The following LMF1 variants were observed in gnomAD, a reference collection of about 807,000 sequenced individuals.
LMF1 encodes the protein lipase maturation factor 1, also known as transmembrane protein 112.
A neutral mutation model predicts 60.6 loss-of-function variants in LMF1; 68 were observed. That is an observed-to-expected ratio of 1.12 (90% CI 0.92 to 1.37). The LOEUF is 1.37. Ranked by LOEUF, LMF1 falls within the 40% of genes most tolerant of loss-of-function variation. The pLI is 0.00. For missense variants in LMF1, 948 were observed against 767.2 expected (o/e 1.24, Z -2.78); for synonymous variants, 418 against 324.7 (o/e 1.29, Z -3.09).
intron 6 of LMF1, 30 bp from the exon 7 acceptor site, chr16:871,371 C>T: frequency 6.2e-7 from 1 of 1,606,394 alleles, no homozygotes; most frequent in Non-Finnish European, 8.5e-7. Context: ...GAGTCTCGTG[C>T]AGGGGCTCGT....
At chr16:970,492 G>C (rs1412500137) in intron 1 of LMF1, among the ~76,000 whole-genome samples, 1 of 152,196 alleles carries the variant, frequency 6.6e-6, no homozygotes, top group Non-Finnish European at 1.5e-5. Context: ...GCCTCGCATA[G>C]CCCCGAGCCG....
At chr16:970,751 G>T (rs747914349) in intron 1 of LMF1, 37 bp downstream of exon 1, 5 of 1,491,854 alleles carry the variant, frequency 3.4e-6, no homozygotes, top group Non-Finnish European at 4.5e-6. Context: ...GCGCGGAGGT[G>T]ACACTGGCGG....
intron 1 of LMF1, among the ~76,000 whole-genome samples, chr16:965,850 A>G (rs1192299435): frequency 6.6e-6 from 1 of 152,116 alleles, no homozygotes; most frequent in Admixed American, 6.5e-5. Flanking sequence ...CCTGGTAGAG[A>G]CCACCTGCTA....
chr16:855,218 C>T (rs1196441887), intron 10 of LMF1: 1 of 235,294 alleles, frequency 4.2e-6, no homozygotes, highest in Non-Finnish European at 8.5e-6. Flanking sequence ...GGACCTGTTT[C>T]CTGAGGGCGG....
At chr16:955,467 G>GCGCGCA (rs1555476347) in intron 1 of LMF1, among the ~76,000 whole-genome samples, 1 of 94,314 alleles carries the variant, frequency 1.1e-5, no homozygotes, top group East Asian at 3.0e-4. Flanking sequence ...CGCGGTGTGT[G>GCGCGCA]CATACACACA....
At chr16:880,337 C>A (rs1194264425) in intron 5 of LMF1, among the ~76,000 whole-genome samples, 3 of 151,612 alleles carry the variant, frequency 2.0e-5, no homozygotes, top group Non-Finnish European at 4.4e-5. Context: ...CTCAGCAGCC[C>A]AGCCAGGAGG....
intron 4 of LMF1, among the ~76,000 whole-genome samples, chr16:908,615 C>T (rs1185778284): frequency 6.6e-6 from 1 of 152,246 alleles, no homozygotes; most frequent in Non-Finnish European, 1.5e-5. Flanking sequence ...CAGCTGCTTC[C>T]AGTGCCCTCC....
chr16:859,978 G>A (rs578219108), intron 10 of LMF1, among the ~76,000 whole-genome samples: 7 of 150,940 alleles, frequency 4.6e-5, no homozygotes, highest in Middle Eastern at 3.5e-3. Flanking sequence ...GGATGGGTGT[G>A]CAGTGGTGTT....
At chr16:929,912 C>T (rs539513327) in intron 3 of LMF1, among the ~76,000 whole-genome samples, 26 of 150,806 alleles carry the variant, frequency 1.7e-4, no homozygotes, top group African/African-American at 4.9e-4. Context: ...TACGTGTGAA[C>T]GGGGGCACAG....
In LMF1 at chr16:857,028, C is replaced by T. The variant is rs151295312; in HGVS notation, c.1530-2322G>A. 1.3e-3 allele frequency among the ~76,000 whole-genome samples: 200 copies of T among 152,382 alleles called. 1 individual carries two copies. The highest frequency in any genetic ancestry group is 5.2e-3 in the East Asian group (27 of 5,188). On this transcript the variant is annotated intron_variant, in intron 10 of 10. Transcript: ENST00000262301. ...GATTTCAAGAATGAGTGGAACCCTG[C>T]GGCACGTACCCGCGGGGCAGGCGAT...
At chr16:873,714 T>A (rs947475981) in intron 6 of LMF1, 1 of 152,182 alleles carries the variant, frequency 6.6e-6, no homozygotes, top group Non-Finnish European at 1.5e-5. Context: ...CTGGTGGGCG[T>A]GAACCCAGGT....
At chr16:969,368 G>C (rs1478004208) in intron 1 of LMF1, among the ~76,000 whole-genome samples, 2 of 152,044 alleles carry the variant, frequency 1.3e-5, no homozygotes, top group Non-Finnish European at 2.9e-5. Context: ...GAGAGAGAGA[G>C]ACACAGACCC....
chr16:978,692 G>A (rs1421165981), intron 1 of LMF1, among the ~76,000 whole-genome samples: 2 of 152,148 alleles, frequency 1.3e-5, no homozygotes, highest in Admixed American at 1.3e-4. Context: ...AGGGTGGGTG[G>A]GGCCATGCAG....
At position 954,343 on chromosome 16, in the gene LMF1, T is replaced by C. The variant is rs2072611244; in HGVS notation, c.503+14A>G. 6.2e-7 allele frequency: 1 copy of C among 1,609,536 alleles called. No homozygotes were observed. Among genetic ancestry groups the C allele is most frequent in the African/African-American group, 1.3e-5 (1 of 74,880 alleles). On this transcript the variant is annotated intron_variant, in intron 2 of 10. Coordinates refer to ENST00000262301, the MANE Select transcript of LMF1 (RefSeq NM_022773.4). ...CAAGCCCTAAGCTCCGACCGCCCCA[T>C]TCCTGCTACTCACCAGACATGGCCC...
At chr16:888,744 G>T (rs1007580600) in intron 5 of LMF1, among the ~76,000 whole-genome samples, 1 of 146,086 alleles carries the variant, frequency 6.8e-6, no homozygotes, top group African/African-American at 2.5e-5. Flanking sequence ...ACTGGGGGGG[G>T]TCCTAGGTAC....
chr16:855,360 C>T (rs1217689813), intron 10 of LMF1: 2 of 301,430 alleles, frequency 6.6e-6, no homozygotes, highest in South Asian at 6.1e-5. Context: ...GGGTAGCGGG[C>T]AGGTCTCTCT....
At chr16:975,134 A>C (rs1193521723), upstream of LMF1, among the ~76,000 whole-genome samples, 1 of 151,540 alleles carries the variant, frequency 6.6e-6, no homozygotes, top group Non-Finnish European at 1.5e-5. Flanking sequence ...TGCTTGGCTC[A>C]CCCTGTCCTC....
intron 1 of LMF1, among the ~76,000 whole-genome samples, chr16:955,828 T>C (rs2072686103): frequency 6.6e-6 from 1 of 152,228 alleles, no homozygotes; most frequent in Non-Finnish European, 1.5e-5. Context: ...CTGGCTCTGG[T>C]CAACGGCATC....
intron 4 of LMF1, among the ~76,000 whole-genome samples, chr16:910,489 G>A (rs2071080184): frequency 6.6e-6 from 1 of 152,194 alleles, no homozygotes; most frequent in South Asian, 2.1e-4. Flanking sequence ...CAGGACGGCG[G>A]GTCTCATACC....
Sources: gnomAD v4.1 joint callset for allele counts (sites outside exome capture counted in the v4.1 genomes callset) on GRCh38, gnomAD v4.1.1 for gene constraint, MANE v1.5 for transcripts, NCBI Gene and HGNC (gene_info 2026-07-23, HGNC 2026-07-21) for gene names.